ACER3: variants seen among roughly 807,000 people sequenced by gnomAD.
The protein encoded by ACER3 is alkCDase 3.
Under a neutral mutation model 48.9 loss-of-function variants are expected in ACER3, and 16 were observed. The observed-to-expected ratio is 0.33, with a 90% CI of 0.22 to 0.50. ACER3 has a LOEUF of 0.50. Ranked by LOEUF, ACER3 falls within the 20% of genes least tolerant of loss-of-function variation. ACER3 has a pLI of 0.98. For synonymous variants in ACER3, 109 were observed against 107.8 expected (o/e 1.01, Z -0.07); for missense variants, 227 against 326.0 (o/e 0.70, Z 2.34).
At chr11:76,959,479 G>A (rs1947928368) in intron 3 of ACER3, among the ~76,000 whole-genome samples, 1 of 152,154 alleles carries the variant, frequency 6.6e-6, no homozygotes, top group Non-Finnish European at 1.5e-5. Context: ...GGATGGCTTT[G>A]AATGCAGCCC....
At chr11:76,916,413 C>T (rs540167238) in intron 1 of ACER3, among the ~76,000 whole-genome samples, 34 of 152,278 alleles carry the variant, frequency 2.2e-4, no homozygotes, top group African/African-American at 7.9e-4. Context: ...TATAAGGCCA[C>T]TGCCCTCAAG....
chr11:77,006,053 G>T (rs1481208240), intron 7 of ACER3, among the ~76,000 whole-genome samples: 3 of 135,368 alleles, frequency 2.2e-5, no homozygotes, highest in Non-Finnish European at 4.9e-5. Context: ...GCAGTGGCGC[G>T]ATCTTGGCTC....
At chr11:76,981,501 A>G (rs1216620051) in intron 4 of ACER3, among the ~76,000 whole-genome samples, 7 of 152,242 alleles carry the variant, frequency 4.6e-5, no homozygotes, top group African/African-American at 9.6e-5. Context: ...GAACATTTCT[A>G]TCACATTAGA....
intron 4 of ACER3, among the ~76,000 whole-genome samples, chr11:76,982,173 G>A (rs940174607): frequency 6.8e-6 from 1 of 148,050 alleles, no homozygotes; most frequent in African/African-American, 2.5e-5. Flanking sequence ...CCATTTGTAT[G>A]TGTTATATTA....
At chr11:76,991,920 T>C (rs1272646734) in intron 6 of ACER3, among the ~76,000 whole-genome samples, 2 of 152,190 alleles carry the variant, frequency 1.3e-5, no homozygotes, top group South Asian at 2.1e-4. Flanking sequence ...TTAGAAAGTT[T>C]TATTAACAGT....
At chr11:76,915,792 T>C (rs1946511743) in intron 1 of ACER3, among the ~76,000 whole-genome samples, 1 of 152,206 alleles carries the variant, frequency 6.6e-6, no homozygotes, top group African/African-American at 2.4e-5. Context: ...CCTTTTCACA[T>C]GGCAGCAGGA....
chr11:76,962,457 T>G (rs1650244925), intron 3 of ACER3, among the ~76,000 whole-genome samples: 1 of 151,186 alleles, frequency 6.6e-6, no homozygotes, highest in Non-Finnish European at 1.5e-5. Flanking sequence ...TGACCTCAGA[T>G]GATCCACCCA....
intron 7 of ACER3, among the ~76,000 whole-genome samples, chr11:77,008,508 G>T (rs145019862): frequency 6.6e-6 from 1 of 152,090 alleles, no homozygotes; most frequent in South Asian, 2.1e-4. Flanking sequence ...ATTTCATTTA[G>T]CACTGGTCAT....
chr11:76,875,729 G>GT (rs1390719448), intron 1 of ACER3, among the ~76,000 whole-genome samples: 10 of 79,798 alleles, frequency 1.3e-4, no homozygotes, highest in East Asian at 3.4e-4. Flanking sequence ...CACAGTTTTT[G>GT]TTGTTTTTTT....
At chr11:76,883,914 C>T (rs183032262) in intron 1 of ACER3, among the ~76,000 whole-genome samples, 1 of 152,142 alleles carries the variant, frequency 6.6e-6, no homozygotes, top group East Asian at 1.9e-4. Context: ...TGTTTTAAAG[C>T]ATATTTTGGG....
chr11:76,991,317 C>G (rs533804929), intron 6 of ACER3, among the ~76,000 whole-genome samples: 3 of 152,262 alleles, frequency 2.0e-5, no homozygotes, highest in Non-Finnish European at 4.4e-5. Flanking sequence ...TAAATAAGCA[C>G]GCTTTTCAGA....
chr11:77,019,780 A>G lies in ACER3; in HGVS notation c.750+4A>G, dbSNP rs781854767. The G allele has an allele frequency of 3.7e-6, 6 of 1,613,372 alleles. No homozygotes were observed. The African/African-American group carries it at 8.0e-5, about 22-fold the overall frequency. On this transcript the variant is annotated splice_donor_region_variant and intron_variant, in intron 10 of 10. Transcript: ENST00000532485. ...GAGATATAGGCCAAAAGTGAAGGTAAGTCCACTTCCTAGGTCCTGTGTGTG... is the reference window on the plus strand; with the variant it reads ...GAGATATAGGCCAAAAGTGAAGGTAGGTCCACTTCCTAGGTCCTGTGTGTG...
chr11:77,020,043 A>G (rs74751672), intron 10 of ACER3, among the ~76,000 whole-genome samples: 2,716 of 152,310 alleles, frequency 0.018, 112 homozygotes, highest in Admixed American at 0.082. Context: ...GCCCAGCTCC[A>G]TGCTTGACAA....
At chr11:76,900,030 G>A (rs2134662705) in intron 1 of ACER3, among the ~76,000 whole-genome samples, 1 of 152,262 alleles carries the variant, frequency 6.6e-6, no homozygotes, top group East Asian at 1.9e-4. Flanking sequence ...AAAATAAAGT[G>A]TTATTAAGAA....
chr11:76,998,213 G>A (rs913794551), intron 6 of ACER3, among the ~76,000 whole-genome samples: 1 of 152,198 alleles, frequency 6.6e-6, no homozygotes, highest in Non-Finnish European at 1.5e-5. Flanking sequence ...AAGAGCCAAC[G>A]CTAGGAAGAT....
At chr11:76,938,968 G>T (rs1330846637) in intron 2 of ACER3, among the ~76,000 whole-genome samples, 1 of 23,122 alleles carries the variant, frequency 4.3e-5, no homozygotes, top group Non-Finnish European at 1.1e-4. Flanking sequence ...GTAAGAAAGT[G>T]CTAAAAAAAA....
rs1949527453 is a variant in ACER3 at position 77,024,829 on chromosome 11, G to C, written c.*4502G>C. ...CCTGATTTCAAAGGCAGCTAGTGTA[G>C]AAGACTGGTCACAAGAATTTTTTTT... On this transcript the variant is annotated 3_prime_UTR_variant, in exon 11 of 11. Transcript: ENST00000532485. The C allele has an allele frequency of 6.6e-6, 1 of 152,128 alleles. No homozygotes were observed. The highest frequency in any genetic ancestry group is 1.5e-5 in the Non-Finnish European group (1 of 68,016). 9.4% of individuals were successfully genotyped at this position (152,128 alleles called of 1,614,324 possible).
intron 2 of ACER3, among the ~76,000 whole-genome samples, chr11:76,938,609 A>G (rs1236820005): frequency 1.3e-5 from 2 of 152,172 alleles, no homozygotes; most frequent in Non-Finnish European, 2.9e-5. Context: ...GTGAGCCAGC[A>G]TGTCTGGCCT....
chr11:76,914,135 A>G (rs1045470898), intron 1 of ACER3, among the ~76,000 whole-genome samples: 1 of 152,230 alleles, frequency 6.6e-6, no homozygotes, highest in African/African-American at 2.4e-5. Flanking sequence ...GGACATAGGC[A>G]TGGGCAAGGA....
Sources: allele counts gnomAD v4.1 joint callset (sites outside exome capture counted in the v4.1 genomes callset), GRCh38; gene constraint gnomAD v4.1.1; transcripts MANE v1.5; gene names NCBI Gene and HGNC (gene_info 2026-07-23, HGNC 2026-07-21).